Variants in FAM193A observed in about 807,000 individuals in gnomAD.
The protein encoded by FAM193A is family with sequence similarity 193 member A, also known as protein FAM193A.
In FAM193A, 22 loss-of-function variants were observed where a neutral mutation model predicts 126.5. The observed-to-expected ratio is 0.17, with a 90% CI of 0.12 to 0.25. The LOEUF (loss-of-function observed/expected upper bound fraction) is 0.25, where lower values mean the gene tolerates loss of function less well. Among genes scored for constraint, FAM193A ranks in the 10% least tolerant of loss-of-function variants. The pLI is 1.00. For synonymous variants in FAM193A, 761 were observed against 646.8 expected (o/e 1.18, Z -2.68); for missense variants, 1,675 against 1,672.8 (o/e 1.00, Z -0.02).
Position 2,715,642 on chromosome 4 carries a change from C to G in FAM193A, c.4373-381C>G, listed in dbSNP as rs549530012. On this transcript the variant is annotated intron_variant, in intron 19 of 20. Transcript: ENST00000637812. ...GCTGGCAGCTGTGCTCTGCCTGACT[C>G]CAACGGAGACTTAGGGCAGTCCCTG... 801 of 430,560 alleles carry G rather than the reference C, an allele frequency of 1.9e-3. 7 individuals carry two copies. Among genetic ancestry groups the G allele is most frequent in the South Asian group, 8.1e-3 (230 of 28,290 alleles). 26.7% of individuals were successfully genotyped at this position (430,560 alleles called of 1,614,324 possible).
rs1721338944 is a variant in FAM193A at position 2,731,194 on chromosome 4, CTCAAAAAAAAAAAAA to C, written c.4455-580_4455-566del. On this transcript the variant is annotated intron_variant, in intron 20 of 20. Transcript: ENST00000637812. ...CTGGATGACAAGAGCGAAACTCCTT[CTCAAAAAAAAAAAAA>C]AAAAAAAAAAAAAAACCGGTGTGGT... Among the ~76,000 whole-genome samples, 9 of 67,004 alleles carry C rather than the reference CTCAAAAAAAAAAAAA, an allele frequency of 1.3e-4. No individual in the cohort carries two copies. In the Admixed American group the frequency reaches 1.5e-3, roughly 11 times the overall value. 44.0% of individuals were successfully genotyped at this position (67,004 alleles called of 152,430 possible).
At chr4:2,540,972 C>CAAA (rs369952404) in intron 1 of FAM193A, among the ~76,000 whole-genome samples, 1 of 86,780 alleles carries the variant, frequency 1.2e-5, no homozygotes, top group African/African-American at 4.0e-5. Flanking sequence ...AAATCCGTCT[C>CAAA]AAAAAAAAAA....
intron 15 of FAM193A, among the ~76,000 whole-genome samples, chr4:2,692,541 G>A (rs567991892): frequency 9.9e-5 from 15 of 152,228 alleles, no homozygotes; most frequent in Non-Finnish European, 1.9e-4. Flanking sequence ...GAGAGACACT[G>A]GGTGCATCCC....
In FAM193A at chr4:2,672,367, A is replaced by G. The variant is rs761056396; in HGVS notation, c.2326A>G (p.Ser776Gly). Residue 776 changes from serine to glycine, a missense_variant, in exon 13 of 21, where the codon AGT becomes GGT. Ser to Gly is a moderately conservative substitution (Grantham distance 56, BLOSUM62 0). Around this residue, in one of 4 missense-constraint regions of FAM193A, gnomAD observed 1,186 missense variants for 1,109.2 expected, o/e 1.07. Transcript: ENST00000637812. Reference protein sequence around the residue: ...TLYATPPFTHSKALPPAPVQN... With the variant: ...TLYATPPFTHGKALPPAPVQN... ...GTATGCAACGCCCCCCTTCACACACAGTAAGGTAAGTCAGGGCAAAAAGGG... is the reference window on the plus strand; with the variant it reads ...GTATGCAACGCCCCCCTTCACACACGGTAAGGTAAGTCAGGGCAAAAAGGG... 2.5e-6 allele frequency: 4 copies of G among 1,614,062 alleles called. No homozygotes were observed. Among genetic ancestry groups the G allele is most frequent in the Admixed American group, 3.3e-5 (2 of 60,010 alleles).
At chr4:2,710,159 T>C (rs1262640592) in intron 19 of FAM193A, among the ~76,000 whole-genome samples, 31 of 135,052 alleles carry the variant, frequency 2.3e-4, no homozygotes, top group Admixed American at 5.8e-4. Context: ...TGTTCTTCTT[T>C]TGTTTTTTTT....
At chr4:2,645,030 A>G (rs1430626290) in intron 6 of FAM193A, among the ~76,000 whole-genome samples, 1 of 89,640 alleles carries the variant, frequency 1.1e-5, no homozygotes, top group Non-Finnish European at 2.2e-5. Flanking sequence ...GTATATATAC[A>G]TGAATGTGTG....
At chr4:2,713,216 C>G (rs1719182105) in intron 19 of FAM193A, among the ~76,000 whole-genome samples, 2 of 151,810 alleles carry the variant, frequency 1.3e-5, no homozygotes, top group South Asian at 4.1e-4. Context: ...ACCATCCTGG[C>G]CAACATGGTG....
At chr4:2,623,006 GC>G (rs1742645986) in intron 2 of FAM193A, among the ~76,000 whole-genome samples, 2 of 152,054 alleles carry the variant, frequency 1.3e-5, no homozygotes, top group Admixed American at 1.3e-4. Context: ...GACACAACCA[GC>G]CTGCCCCCAA....
At chr4:2,643,922 A>G (rs943860682) in intron 6 of FAM193A, among the ~76,000 whole-genome samples, 7 of 152,184 alleles carry the variant, frequency 4.6e-5, no homozygotes, top group Non-Finnish European at 1.0e-4. Flanking sequence ...TTCACTTTAA[A>G]TATGTATTAA....
At chr4:2,666,883 C>T (rs780401043) in intron 12 of FAM193A, among the ~76,000 whole-genome samples, 5 of 152,196 alleles carry the variant, frequency 3.3e-5, no homozygotes, top group East Asian at 3.8e-4. Flanking sequence ...TTCCTTTTAA[C>T]GGCTTCAGTC....
intron 19 of FAM193A, among the ~76,000 whole-genome samples, chr4:2,708,526 G>A (rs1482670102): frequency 2.6e-5 from 4 of 151,280 alleles, no homozygotes; most frequent in East Asian, 1.9e-4. Context: ...GCAGTGGCGC[G>A]ATCTTGGATC....
In FAM193A at chr4:2,581,819, A is replaced by C. The variant is rs190815830; in HGVS notation, c.256-14265A>C. Among the ~76,000 whole-genome samples, 1,482 of 151,432 alleles carry C rather than the reference A, an allele frequency of 9.8e-3. 15 individuals are homozygous for C. The highest frequency in any genetic ancestry group is 0.015 in the Non-Finnish European group (1,032 of 67,782). On this transcript the variant is annotated intron_variant, in intron 1 of 20. Coordinates refer to ENST00000637812, the MANE Select transcript of FAM193A (RefSeq NM_001366318.2). ...CAGGCCCCCGCCACCATGCACGGCTAATTTTTTGTATTTTTAGTAGAGACA... is the reference window on the plus strand; with the variant it reads ...CAGGCCCCCGCCACCATGCACGGCTCATTTTTTGTATTTTTAGTAGAGACA...
At chr4:2,713,310 G>A (rs1055427704) in intron 19 of FAM193A, among the ~76,000 whole-genome samples, 3 of 151,796 alleles carry the variant, frequency 2.0e-5, no homozygotes, top group Non-Finnish European at 4.4e-5. Context: ...GGAGGCTGAG[G>A]CAGGAGAATT....
At chr4:2,590,506 CAAAAAAA>C (rs150589938) in intron 1 of FAM193A, among the ~76,000 whole-genome samples, 1 of 33,210 alleles carries the variant, frequency 3.0e-5, no homozygotes, top group African/African-American at 2.5e-4. Flanking sequence ...CAAAAAAAAA[CAAAAAAA>C]AAACAAAACA....
At chr4:2,730,862 C>A (rs1156948305) in intron 20 of FAM193A, among the ~76,000 whole-genome samples, 2 of 151,100 alleles carry the variant, frequency 1.3e-5, no homozygotes, top group South Asian at 2.1e-4. Flanking sequence ...CACTGCACTC[C>A]AGCCTGGGTG....
intron 13 of FAM193A, among the ~76,000 whole-genome samples, chr4:2,683,732 C>G (rs1354577094): frequency 6.6e-6 from 1 of 152,206 alleles, no homozygotes; most frequent in Non-Finnish European, 1.5e-5. Flanking sequence ...GACTTTTTAG[C>G]TATTACTACT....
intron 1 of FAM193A, among the ~76,000 whole-genome samples, chr4:2,556,207 G>T (rs1738249279): frequency 6.8e-6 from 1 of 148,008 alleles, no homozygotes; most frequent in South Asian, 2.2e-4. Flanking sequence ...GTGAGATACT[G>T]TCCTTTTTTT....
rs76691985 is a variant in FAM193A, at chr4:2,607,156, G to A, written c.501+10827G>A. Among the ~76,000 whole-genome samples the A allele has an allele frequency of 3.0e-3, 462 of 152,262 alleles. 1 individual carries two copies. Among genetic ancestry groups the A allele is most frequent in the African/African-American group, 8.5e-3 (354 of 41,544 alleles). ...CTGTGTATACTTCCCACTTCGTCAC[G>A]CAGAATATTCAGAAGACTTGTGCTC... On this transcript the variant is annotated intron_variant, in intron 2 of 20. Transcript: ENST00000637812.
rs746518879 is a variant in FAM193A at position 2,662,931 on chromosome 4, C to T, written c.1839C>T (p.Asn613=). The T allele has an allele frequency of 6.2e-7, 1 of 1,613,812 alleles. No homozygotes were observed. Among genetic ancestry groups the T allele is most frequent in the South Asian group, 1.1e-5 (1 of 91,076 alleles). The change falls in exon 11 of 21, where the codon AAC becomes AAT. Residue 613 remains asparagine (N), a synonymous_variant. Transcript: ENST00000637812. ...SNYDDTEVVA[N]MNGIHSELNG... ...ATGATGATACCGAGGTGGTGGCCAACATGAATGGAATCCACAGCGAATTGA... is the reference window on the plus strand; with the variant it reads ...ATGATGATACCGAGGTGGTGGCCAATATGAATGGAATCCACAGCGAATTGA...
Sources: gnomAD v4.1 joint callset for allele counts (sites outside exome capture counted in the v4.1 genomes callset) on GRCh38, gnomAD v4.1.1 for gene constraint, gnomAD v4.1.1 regional missense constraint, MANE v1.5 for transcripts, NCBI Gene and HGNC (gene_info 2026-07-23, HGNC 2026-07-21) for gene names.